Variants in KDM5C observed in about 807,000 individuals in gnomAD.
KDM5C encodes the protein lysine-specific demethylase 5C.
In KDM5C, 16 loss-of-function variants were observed where a neutral mutation model predicts 110.6. That is an observed-to-expected ratio of 0.14 (90% confidence interval 0.10 to 0.22). The LOEUF is 0.22. Ranked by LOEUF, KDM5C falls within the 10% of genes least tolerant of loss-of-function variation. The pLI, the probability that KDM5C is intolerant of heterozygous loss-of-function variation, is 1.00. For synonymous variants in KDM5C, 511 were observed against 520.4 expected, an observed-to-expected ratio of 0.98 and a Z score of 0.24; for missense variants, 681 against 1,300.9, an observed-to-expected ratio of 0.52 and a Z score of 7.33.
At position 53,224,895 on chromosome X, in the gene KDM5C, G is replaced by A. The variant is rs1350796489; in HGVS notation, c.-6C>T. ...TCGTCGGACCCCGGCTCCATGGTGG[G>A]CCCGAGGTCTGGGCCAGGGATCGGG... On this transcript the variant is annotated 5_prime_UTR_variant, in exon 1 of 26. Coordinates refer to ENST00000375401, the MANE Select transcript of KDM5C (RefSeq NM_004187.5). 1 of 1,201,167 alleles carries A rather than the reference G, an allele frequency of 8.3e-7. No individual in the cohort carries two copies. Among genetic ancestry groups the A allele is most frequent in the Non-Finnish European group, 1.1e-6 (1 of 889,768 alleles).
intron 17 of KDM5C, 85 bp downstream of exon 17, chrX:53,198,405 T>C: frequency 9.3e-7 from 1 of 1,076,914 alleles, no homozygotes; most frequent in African/African-American, 1.8e-5. Flanking sequence ...CCAAATGGTA[T>C]TCACAGTCTA....
intron 25 of KDM5C, among the ~76,000 whole-genome samples, chrX:53,178,387 A>G (rs993708489): frequency 1.8e-5 from 2 of 112,069 alleles, no homozygotes; most frequent in Admixed American, 1.9e-4. Context: ...CTTTGTCTCT[A>G]TGTGATGCTG....
intron 25 of KDM5C, among the ~76,000 whole-genome samples, chrX:53,177,993 G>T (rs111469070): frequency 5.2e-4 from 58 of 110,971 alleles, no homozygotes; most frequent in African/African-American, 1.7e-3. Flanking sequence ...AAAGTAGCTG[G>T]GACTATAGGT....
Position 53,193,278 on chromosome X carries a change from G to A in KDM5C, c.4372C>T (p.Arg1458Trp), listed in dbSNP as rs782669407. Residue 1458 changes from arginine (R) to tryptophan (W), a missense_variant, in exon 26 of 26, where the codon CGG becomes TGG. By Grantham distance (101) the Arg-to-Trp change is moderately radical. Coordinates refer to ENST00000375401, the MANE Select transcript of KDM5C (RefSeq NM_004187.5). ...SRARGRALER[R>W]RRRKVDRGGE... ...CCCCGATCCACCTTCCGCCGCCGCCGCCTCTCCAGGGCCCGGCCCCGAGCC... is the reference window on the plus strand; with the variant it reads ...CCCCGATCCACCTTCCGCCGCCGCCACCTCTCCAGGGCCCGGCCCCGAGCC... 1 of 1,208,780 alleles carries A rather than the reference G, an allele frequency of 8.3e-7. No individual in the cohort carries two copies. The highest frequency in any genetic ancestry group is 1.1e-6 in the Non-Finnish European group (1 of 894,947).
Position 53,221,785 on chromosome X carries a change from G to A in KDM5C, c.151-869C>T, listed in dbSNP as rs1049235185. 2.2e-5 allele frequency: 21 copies of A among 952,642 alleles called. No homozygotes were observed. The Middle Eastern group carries it at 9.1e-4, about 41-fold the overall frequency. 78.5% of individuals were successfully genotyped at this position (952,642 alleles called of 1,213,427 possible). A position where few individuals can be genotyped will look rare whatever the true frequency, so the allele number is the denominator to read the frequency against. On this transcript the variant is annotated intron_variant, in intron 1 of 25. Transcript: ENST00000375401. The stretch of plus-strand genomic sequence containing the variant: ...CCCAGGGGGTGGGGGTAAGTGCTGG[G>A]ATGCCTGACTGTGGTGGCAAAGAAT...
intron 12 of KDM5C, among the ~76,000 whole-genome samples, chrX:53,208,724 C>T (rs1375210689): frequency 5.7e-5 from 6 of 104,466 alleles, no homozygotes; most frequent in Admixed American, 2.1e-4. Flanking sequence ...AGGCTGGTCT[C>T]GAACTCCTGA....
chrX:53,188,439 G>C (rs1251847130), downstream of KDM5C, among the ~76,000 whole-genome samples: 1 of 108,221 alleles, frequency 9.2e-6, no homozygotes, highest in African/African-American at 3.4e-5. Flanking sequence ...GCAATGGCGC[G>C]ATCTTGGCTC....
At chrX:53,224,348 T>C (rs1260325781) in intron 1 of KDM5C, among the ~76,000 whole-genome samples, 1 of 112,016 alleles carries the variant, frequency 8.9e-6, no homozygotes, top group Non-Finnish European at 1.9e-5. Context: ...CTATTAATAC[T>C]ATACTATGCT....
At position 53,221,713 on chromosome X, in the gene KDM5C, C is replaced by G. The variant is rs1239375878; in HGVS notation, c.151-797G>C. The G allele has an allele frequency of 1.1e-5, 11 of 977,433 alleles. No homozygotes were observed. The African/African-American group carries it at 2.2e-4, about 20-fold the overall frequency. The allele number at this position is 977,433 out of a possible 1,213,427, so 80.6% of individuals were successfully genotyped here. On this transcript the variant is annotated intron_variant, in intron 1 of 25. Transcript: ENST00000375401. ...CCAGTCTGGAAGGCTTCCTGTAGAT[C>G]CTCTCTCATACACCTGCCTGGTACA...
Position 53,199,039 on chromosome X carries a change from G to C in KDM5C, c.2181C>G (p.Gly727=), listed in dbSNP as rs781799578. 14 of 1,212,131 alleles carry C rather than the reference G, an allele frequency of 1.2e-5. No individual in the cohort carries two copies. Among genetic ancestry groups the C allele is most frequent in the Non-Finnish European group, 1.1e-5 (10 of 895,600 alleles). ...SALACYDCPD[G]LVCLSHINDL... ...CATTGATGTGGGAAAGGCAGACAAGGCCGTCTGGGCAGTCGTAGCAGGCCA... is the reference window on the plus strand; with the variant it reads ...CATTGATGTGGGAAAGGCAGACAAGCCCGTCTGGGCAGTCGTAGCAGGCCA... The change falls in exon 15 of 26, where the codon GGC becomes GGG. Residue 727 remains glycine (G), a synonymous_variant. Coordinates refer to ENST00000375401, the MANE Select transcript of KDM5C (RefSeq NM_004187.5).
At chrX:53,194,825 C>A in intron 22 of KDM5C, 87 bp from the exon 23 acceptor site, 1 of 1,194,122 alleles carries the variant, frequency 8.4e-7, no homozygotes, top group South Asian at 1.8e-5. Flanking sequence ...CACTCCCAAA[C>A]CAGGAGAACT....
intron 12 of KDM5C, among the ~76,000 whole-genome samples, chrX:53,203,951 T>C (rs2073234992): frequency 9.0e-6 from 1 of 111,196 alleles, no homozygotes; most frequent in African/African-American, 3.3e-5. Context: ...GACGGGGTTT[T>C]GTCATGTTGG....
intron 12 of KDM5C, among the ~76,000 whole-genome samples, chrX:53,203,022 G>A (rs1314415556): frequency 9.1e-6 from 1 of 110,327 alleles, no homozygotes; most frequent in African/African-American, 3.3e-5. Context: ...GTTTCACCGT[G>A]GTCTCGATCT....
chrX:53,187,196 G>T (rs1045466920), downstream of KDM5C, among the ~76,000 whole-genome samples: 28 of 110,307 alleles, frequency 2.5e-4, no homozygotes, highest in African/African-American at 9.3e-4. Flanking sequence ...TGCCCAACCT[G>T]CCAACAGAAC....
intron 12 of KDM5C, among the ~76,000 whole-genome samples, chrX:53,208,092 G>C (rs782692379): frequency 3.7e-5 from 4 of 108,111 alleles, no homozygotes; most frequent in South Asian, 8.0e-4. Context: ...AGATACCTCT[G>C]GGGGAGCTCC....
In KDM5C at chrX:53,216,458, T is replaced by G. The variant is rs140386056; in HGVS notation, c.658-261A>C. On this transcript the variant is annotated intron_variant, in intron 5 of 25. Coordinates refer to ENST00000375401, the MANE Select transcript of KDM5C (RefSeq NM_004187.5). ...AATGAGAATATTACCTCCTCCCTTA[T>G]AGTTATGAGGGGGGTTAGGGACAAT... is the stretch of plus-strand genomic sequence containing the variant. Among the ~76,000 whole-genome samples, 698 of 112,059 alleles carry G rather than the reference T, an allele frequency of 6.2e-3. 7 individuals are homozygous for G. Among genetic ancestry groups the G allele is most frequent in the African/African-American group, 0.022 (675 of 30,845 alleles).
In KDM5C at chrX:53,192,857, G is replaced by GGCCCCCCC; in HGVS notation, c.*109_*110insGGGGGGGC. 2 of 782,868 alleles carry GGCCCCCCC rather than the reference G, an allele frequency of 2.6e-6. No individual in the cohort carries two copies. The highest frequency in any genetic ancestry group is 3.4e-6 in the Non-Finnish European group (2 of 589,367). The allele number at this position is 782,868 out of a possible 1,213,427, so 64.5% of individuals were successfully genotyped here. On this transcript the variant is annotated 3_prime_UTR_variant, in exon 26 of 26. Coordinates refer to ENST00000375401, the MANE Select transcript of KDM5C (RefSeq NM_004187.5). ...TCAGGGGTGGGCGGGTAGCAGGGAT[G>GGCCCCCCC]GCCACCCCCCTACCCGCCCACCCCC...
chrX:53,191,086 G>A (rs782369922), downstream of KDM5C, among the ~76,000 whole-genome samples: 2 of 111,842 alleles, frequency 1.8e-5, no homozygotes, highest in South Asian at 7.5e-4. Context: ...AGCCTTTGGA[G>A]GGTCAAGGAT....
At chrX:53,208,173 C>A (rs782335220) in intron 12 of KDM5C, among the ~76,000 whole-genome samples, 1 of 107,060 alleles carries the variant, frequency 9.3e-6, no homozygotes, top group South Asian at 4.2e-4. Flanking sequence ...GGGGATACTG[C>A]CAAGTCCAAA....
Sources: gnomAD v4.1 joint callset for allele counts (sites outside exome capture counted in the v4.1 genomes callset) on GRCh38, gnomAD v4.1.1 for gene constraint, MANE v1.5 for transcripts, NCBI Gene and HGNC (gene_info 2026-07-23, HGNC 2026-07-21) for gene names.